Variants in SNRNP35 observed in about 807,000 individuals in gnomAD.
The protein encoded by SNRNP35 is small nuclear ribonucleoprotein U11/U12 subunit 35, also known as U11/U12 small nuclear ribonucleoprotein 35 kDa protein.
Under a neutral mutation model 24.3 loss-of-function variants are expected in SNRNP35, and 16 were observed. The ratio of observed to expected loss-of-function variants is 0.66; its 90% CI spans 0.45 to 1.00. The LOEUF is 1.00. SNRNP35 is among the 50% of genes least tolerant of loss of function. The pLI, the probability that SNRNP35 is intolerant of heterozygous loss-of-function variation, is 0.00. For missense variants in SNRNP35, 292 were observed against 327.2 expected (o/e 0.89, Z 0.83); for synonymous variants, 106 against 124.8 (o/e 0.85, Z 1.00).
chr12:123,461,116 CTTCT>C (rs1253204529), intron 1 of SNRNP35, among the ~76,000 whole-genome samples: 41 of 151,040 alleles, frequency 2.7e-4, no homozygotes, highest in African/African-American at 8.7e-4. Flanking sequence ...CGCCCAGCCT[CTTCT>C]TTCTTTTTTT....
Position 123,466,080 on chromosome 12 carries a change from A to G in SNRNP35, c.540A>G (p.Lys180=). 1.2e-6 allele frequency: 2 copies of G among 1,613,698 alleles called. No individual in the cohort carries two copies. Among genetic ancestry groups the G allele is most frequent in the South Asian group, 2.2e-5 (2 of 91,042 alleles). The change falls in exon 2 of 2, where the codon AAA becomes AAG. Residue 180 remains lysine, a synonymous_variant. Coordinates refer to ENST00000526639, the MANE Select transcript of SNRNP35 (RefSeq NM_022717.4). Reference sequence around the variant, plus strand: ...AAAACGACCTCTATAGAGAGGGAAAACGGGAAAGGCGGGAGCGATCTCGAT... The same window carrying G: ...AAAACGACCTCTATAGAGAGGGAAAGCGGGAAAGGCGGGAGCGATCTCGAT... ...VVKNDLYREG[K]RERRERSRSR... is the part of the protein sequence containing the mutation.
intron 1 of SNRNP35, among the ~76,000 whole-genome samples, chr12:123,460,269 T>C (rs961159314): frequency 1.3e-5 from 2 of 152,124 alleles, no homozygotes; most frequent in African/African-American, 4.8e-5. Context: ...CCTTATATTT[T>C]ATGAAAAGCA....
Position 123,462,230 on chromosome 12 carries a change from C to T in SNRNP35, c.-3-3308C>T, listed in dbSNP as rs193292753. On this transcript the variant is annotated intron_variant, in intron 1 of 1. Transcript: ENST00000526639. Reference sequence around the variant, plus strand: ...GGACTTGACAGGCCCAGTAGAATTTCCGCAAGTGGATATGAGGGAGATAGA... The same window carrying T: ...GGACTTGACAGGCCCAGTAGAATTTTCGCAAGTGGATATGAGGGAGATAGA... 5.9e-5 allele frequency among the ~76,000 whole-genome samples: 9 copies of T among 152,246 alleles called. No homozygotes were observed. The East Asian group carries it at 1.3e-3, about 23-fold the overall frequency.
chr12:123,472,760 CAT>C (rs1396255767), exon 2 of SNRNP35: 2 of 1,466,644 alleles, frequency 1.4e-6, no homozygotes, highest in African/African-American at 1.4e-5. Context: ...ATGCCGGAGA[CAT>C]ATAGCAGCAA....
chr12:123,460,860 G>A (rs553448169), intron 1 of SNRNP35, among the ~76,000 whole-genome samples: 1 of 150,944 alleles, frequency 6.6e-6, no homozygotes, highest in Non-Finnish European at 1.5e-5. Flanking sequence ...GTTACTCCAT[G>A]TTGGTCAGGC....
At chr12:123,460,892 A>C (rs923929550) in intron 1 of SNRNP35, among the ~76,000 whole-genome samples, 1 of 150,976 alleles carries the variant, frequency 6.6e-6, no homozygotes, top group African/African-American at 2.4e-5. Flanking sequence ...TCCCGACTTC[A>C]GGCAATCTGC....
chr12:123,468,598 G>A (rs1276401708), downstream of SNRNP35, among the ~76,000 whole-genome samples: 1 of 152,056 alleles, frequency 6.6e-6, no homozygotes, highest in African/African-American at 2.4e-5. Flanking sequence ...GCTGAGGCTG[G>A]AGAATTGCTC....
chr12:123,471,481 C>G (rs1275932083), downstream of SNRNP35: 4 of 152,240 alleles, frequency 2.6e-5, no homozygotes, highest in African/African-American at 9.7e-5. Flanking sequence ...GCAACCAGCC[C>G]TGTGCCCTGG....
chr12:123,472,368 G>C (rs1388276446), exon 2 of SNRNP35: 1 of 637,376 alleles, frequency 1.6e-6, no homozygotes, highest in African/African-American at 1.8e-5. Context: ...TTTAGAGTTT[G>C]GCGTCAGTTT....
chr12:123,461,657 G>A (rs1447606534), intron 1 of SNRNP35, among the ~76,000 whole-genome samples: 2 of 151,614 alleles, frequency 1.3e-5, no homozygotes, highest in Non-Finnish European at 2.9e-5. Context: ...GGTAAACAGT[G>A]TCATGTCCTG....
Position 123,466,118 on chromosome 12 carries a change from A to G in SNRNP35, c.578A>G (p.His193Arg), listed in dbSNP as rs1344393515. 1.9e-6 allele frequency: 3 copies of G among 1,612,018 alleles called. No individual in the cohort carries two copies. The highest frequency in any genetic ancestry group is 2.5e-6 in the Non-Finnish European group (3 of 1,179,248). Residue 193 changes from histidine (H) to arginine (R), a missense_variant, in exon 2 of 2, where the codon CAC becomes CGC. His to Arg is a conservative substitution (Grantham distance 29). Transcript: ENST00000526639. ...RRERSRSRER[H>R]WDSRTRDRDH... is the part of the protein sequence containing the mutation. The stretch of plus-strand genomic sequence containing the variant: ...GAGCGATCTCGATCCCGAGAAAGAC[A>G]CTGGGACTCGAGGACAAGGGATCGA...
At position 123,466,173 on chromosome 12, in the gene SNRNP35, G is replaced by A. The variant is rs771279768; in HGVS notation, c.633G>A (p.Trp211Ter). Residue 211 changes from tryptophan to a stop codon, truncating the protein, a stop_gained, in exon 2 of 2, where the codon TGG becomes TGA. Coordinates refer to ENST00000526639, the MANE Select transcript of SNRNP35 (RefSeq NM_022717.4). LOFTEE classifies it high-confidence loss of function. Reference protein sequence around the residue: ...RDHDRGREKRWQEREPTRVWP... With the variant: ...RDHDRGREKR ...ATGACAGGGGCCGGGAGAAGAGATG[G>A]CAAGAAAGAGAGCCGACCAGGGTGT... 6 of 1,605,858 alleles carry A rather than the reference G, an allele frequency of 3.7e-6. No homozygotes were observed. Among genetic ancestry groups the A allele is most frequent in the East Asian group, 2.2e-5 (1 of 44,826 alleles).
At chr12:123,462,511 T>C (rs888353700) in intron 1 of SNRNP35, among the ~76,000 whole-genome samples, 2 of 150,406 alleles carry the variant, frequency 1.3e-5, no homozygotes, top group African/African-American at 4.9e-5. Context: ...TTTTTTTTTT[T>C]TTTTTTTTCT....
downstream of SNRNP35, among the ~76,000 whole-genome samples, chr12:123,469,661 T>A (rs1237437179): frequency 2.0e-5 from 3 of 151,796 alleles, no homozygotes; most frequent in African/African-American, 7.3e-5. Flanking sequence ...ACCCACCTAT[T>A]TTTTTATTTT....
intron 1 of SNRNP35, among the ~76,000 whole-genome samples, chr12:123,461,849 G>A (rs1880649201): frequency 6.6e-6 from 1 of 151,676 alleles, no homozygotes; most frequent in Non-Finnish European, 1.5e-5. Flanking sequence ...AGCCTCCCAA[G>A]TAGCTGGGAC....
intron 1 of SNRNP35, among the ~76,000 whole-genome samples, chr12:123,461,696 T>A: frequency 6.6e-6 from 1 of 151,880 alleles, no homozygotes; most frequent in East Asian, 1.9e-4. Context: ...CAGGTTTGCC[T>A]GATTTGGACT....
At position 123,472,371 on chromosome 12, in the gene SNRNP35, G is replaced by A. The variant is rs540807021; in HGVS notation, n.1378G>A. 156 of 658,916 alleles carry A rather than the reference G, an allele frequency of 2.4e-4. 2 individuals carry two copies. The highest frequency in any genetic ancestry group is 1.5e-3 in the South Asian group (67 of 46,002). The allele number at this position is 658,916 out of a possible 1,614,324, so 40.8% of individuals were successfully genotyped here. On this transcript the variant is annotated non_coding_transcript_exon_variant, in exon 2 of 2. Coordinates refer to the SNRNP35 transcript ENST00000527158. ...AATAAACATTTCTTTAGAGTTTGGC[G>A]TCAGTTTTTCAATGTCCATCCTCAA...
rs1389728850 is a variant in SNRNP35, at chr12:123,465,023, T to C, written c.-3-515T>C. On this transcript the variant is annotated intron_variant, in intron 1 of 1. Transcript: ENST00000526639. This position sits in a 1 kb window ranked among gnomAD's most constrained non-coding sequence, Gnocchi z 4.2. Reference sequence around the variant, plus strand: ...GCAGATTATTCTGGCCACATGTGCATGGTGGTTCTAGTTGAGCCGGGTGAG... The same window carrying C: ...GCAGATTATTCTGGCCACATGTGCACGGTGGTTCTAGTTGAGCCGGGTGAG... 1 of 152,448 alleles carries C rather than the reference T, an allele frequency of 6.6e-6. No individual in the cohort carries two copies. Among genetic ancestry groups the C allele is most frequent in the East Asian group, 1.9e-4 (1 of 5,204 alleles). The allele number at this position is 152,448 out of a possible 1,614,324, so 9.4% of individuals were successfully genotyped here.
At chr12:123,458,324 T>C in intron 1 of SNRNP35, 108 bp downstream of exon 1, 1 of 708,498 alleles carries the variant, frequency 1.4e-6, no homozygotes, top group Non-Finnish European at 1.7e-6. Flanking sequence ...TGTTGAAACC[T>C]GGCAAAGGGG....
Sources: gnomAD v4.1 joint callset for allele counts (sites outside exome capture counted in the v4.1 genomes callset) on GRCh38, gnomAD v4.1.1 for gene constraint, Gnocchi (gnomAD v3.1) non-coding constraint, MANE v1.5 for transcripts, NCBI Gene and HGNC (gene_info 2026-07-23, HGNC 2026-07-21) for gene names.